LMBR1: variants seen among roughly 807,000 people sequenced by gnomAD.
LMBR1 encodes the protein limb development membrane protein 1.
LMBR1 carries 52 observed loss-of-function variants against 73.9 expected under a neutral mutation model. That is an observed-to-expected ratio of 0.70 (90% CI 0.56 to 0.89). The LOEUF (loss-of-function observed/expected upper bound fraction) is 0.89, where lower values mean the gene tolerates loss of function less well. LMBR1 is among the 40% of genes least tolerant of loss of function. The pLI is 0.00. For synonymous variants in LMBR1, 215 were observed against 209.4 expected (o/e 1.03, Z -0.23); for missense variants, 539 against 579.8 (o/e 0.93, Z 0.72).
intron 1 of LMBR1, among the ~76,000 whole-genome samples, chr7:156,845,830 C>A (rs1292880247): frequency 6.6e-6 from 1 of 152,004 alleles, no homozygotes; most frequent in Admixed American, 6.6e-5. Flanking sequence ...ATTCTTCTCT[C>A]AGACAAGGCT....
intron 1 of LMBR1, among the ~76,000 whole-genome samples, chr7:156,885,606 T>C (rs1357509476): frequency 5.3e-5 from 8 of 150,792 alleles, no homozygotes; most frequent in Admixed American, 2.6e-4. Flanking sequence ...GCCAGACGCA[T>C]TGACTCACAC....
intron 15 of LMBR1, among the ~76,000 whole-genome samples, chr7:156,711,121 T>C (rs1811995398): frequency 6.6e-6 from 1 of 152,122 alleles, no homozygotes; most frequent in African/African-American, 2.4e-5. Flanking sequence ...CCATCCTAGC[T>C]AACATGGTGA....
At chr7:156,833,584 ATT>A in intron 3 of LMBR1, 167 bp downstream of exon 3, 2 of 328,726 alleles carry the variant, frequency 6.1e-6, no homozygotes, top group Non-Finnish European at 1.0e-5. Context: ...AGGAGATTGG[ATT>A]ATCCACACAT....
At chr7:156,875,950 T>C (rs181214716) in intron 1 of LMBR1, among the ~76,000 whole-genome samples, 1 of 148,512 alleles carries the variant, frequency 6.7e-6, no homozygotes, top group Non-Finnish European at 1.5e-5. Flanking sequence ...AATAGCACGA[T>C]GAATGGAATA....
rs904892603 is a variant in LMBR1, at chr7:156,893,047, T to C, written c.-54A>G. The C allele has an allele frequency of 1.5e-5, 21 of 1,404,224 alleles. No homozygotes were observed. Among genetic ancestry groups the C allele is most frequent in the Non-Finnish European group, 1.8e-5 (19 of 1,081,048 alleles). The allele number at this position is 1,404,224 out of a possible 1,614,324, so 87.0% of individuals were successfully genotyped here. ...CGCGTCCGCGTGCTCCGCCACACCA[T>C]CGTCCGCCCGCCGCAGGGGCTCGGA... On this transcript the variant is annotated 5_prime_UTR_variant, in exon 1 of 17. It removes an upstream start codon present in the reference 5' UTR. Coordinates refer to ENST00000353442, the MANE Select transcript of LMBR1 (RefSeq NM_022458.4).
In LMBR1 at chr7:156,882,034, T is replaced by C. The variant is rs182408100; in HGVS notation, c.66+10894A>G. 3.3e-5 allele frequency among the ~76,000 whole-genome samples: 5 copies of C among 152,330 alleles called. No individual in the cohort carries two copies. In the East Asian group the frequency reaches 7.7e-4, roughly 23 times the overall value. ...GAGATATTAGCACTTCTATATCCAC[T>C]GAGGCAATATTCACAATAGCAAAGA... On this transcript the variant is annotated intron_variant, in intron 1 of 16. Coordinates refer to ENST00000353442, the MANE Select transcript of LMBR1 (RefSeq NM_022458.4).
chr7:156,878,271 T>C (rs919272328), intron 1 of LMBR1, among the ~76,000 whole-genome samples: 1 of 152,168 alleles, frequency 6.6e-6, no homozygotes, highest in South Asian at 2.1e-4. Flanking sequence ...CTGTTGCTGT[T>C]TGCTGATGAT....
At chr7:156,823,979 A>C (rs1835212898) in intron 4 of LMBR1, 1 of 152,162 alleles carries the variant, frequency 6.6e-6, no homozygotes, top group South Asian at 2.1e-4. Flanking sequence ...AGCCCCAGCT[A>C]CTTAGGAGGC....
At position 156,682,575 on chromosome 7, in the gene LMBR1, T is replaced by G. The variant is rs188028087; in HGVS notation, c.*1503A>C. ...TTTATTTTAAAACCAAGCTGCATTTTAGAAAGATGTGAAGCTCGGAAGGAA... is the reference window on the plus strand; with the variant it reads ...TTTATTTTAAAACCAAGCTGCATTTGAGAAAGATGTGAAGCTCGGAAGGAA... On this transcript the variant is annotated 3_prime_UTR_variant, in exon 17 of 17. Transcript: ENST00000353442. 1.3e-5 allele frequency: 2 copies of G among 152,336 alleles called. No individual in the cohort carries two copies. The highest frequency in any genetic ancestry group is 1.5e-5 in the Non-Finnish European group (1 of 68,026). The allele number at this position is 152,336 out of a possible 1,614,324, so 9.4% of individuals were successfully genotyped here.
chr7:156,877,937 A>T (rs866837814), intron 1 of LMBR1, among the ~76,000 whole-genome samples: 6 of 152,142 alleles, frequency 3.9e-5, no homozygotes, highest in Non-Finnish European at 7.3e-5. Context: ...CACGAACAGA[A>T]TTAAAAACAA....
intron 1 of LMBR1, among the ~76,000 whole-genome samples, chr7:156,890,111 A>C (rs1802630594): frequency 6.6e-6 from 1 of 152,224 alleles, no homozygotes; most frequent in Non-Finnish European, 1.5e-5. Flanking sequence ...CAAAAGTCCT[A>C]AATAGTGCTG....
intron 1 of LMBR1, among the ~76,000 whole-genome samples, chr7:156,861,644 C>T (rs992751826): frequency 2.0e-5 from 3 of 152,182 alleles, no homozygotes; most frequent in East Asian, 3.8e-4. Context: ...TTTCCTTTTA[C>T]AACTGAATGC....
At chr7:156,738,983 A>G (rs1482399844) in intron 9 of LMBR1, among the ~76,000 whole-genome samples, 2 of 152,174 alleles carry the variant, frequency 1.3e-5, no homozygotes, top group Non-Finnish European at 2.9e-5. Flanking sequence ...CAGCTTAGGT[A>G]CTAGCTTGGC....
intron 4 of LMBR1, among the ~76,000 whole-genome samples, chr7:156,672,411 A>C (rs1802750361): frequency 6.6e-6 from 1 of 152,230 alleles, no homozygotes; most frequent in Non-Finnish European, 1.5e-5. Context: ...ACTGAGGCAG[A>C]AGGAGGCAAT....
At chr7:156,795,648 G>T (rs997027555) in intron 5 of LMBR1, among the ~76,000 whole-genome samples, 2 of 152,216 alleles carry the variant, frequency 1.3e-5, no homozygotes, top group Middle Eastern at 3.4e-3. Context: ...CAACCTGCAG[G>T]CTCAAGCAAT....
At chr7:156,800,626 G>C (rs749099565) in intron 4 of LMBR1, among the ~76,000 whole-genome samples, 5 of 152,164 alleles carry the variant, frequency 3.3e-5, no homozygotes, top group Non-Finnish European at 7.3e-5. Context: ...GTAGCCCATG[G>C]ATCAAGGAGT....
intron 9 of LMBR1, chr7:156,748,059 C>G (rs987344644): frequency 1.1e-4 from 17 of 152,136 alleles, no homozygotes; most frequent in African/African-American, 3.9e-4. Flanking sequence ...AGAGAGTCAG[C>G]CCATATACTC....
At chr7:156,698,676 T>C (rs1314801861) in intron 15 of LMBR1, among the ~76,000 whole-genome samples, 2 of 152,258 alleles carry the variant, frequency 1.3e-5, no homozygotes, top group South Asian at 2.1e-4. Flanking sequence ...ACCAAGTCCC[T>C]AGACTGCATA....
At position 156,831,954 on chromosome 7, in the gene LMBR1, T is replaced by C. The variant is rs561629614; in HGVS notation, c.179+1799A>G. On this transcript the variant is annotated intron_variant, in intron 3 of 16. Coordinates refer to ENST00000353442, the MANE Select transcript of LMBR1 (RefSeq NM_022458.4). ...GAGAATATCTACCTTTTATTCAGTC[T>C]CTTATTCGTTGTAGCTTTTGTGAGG... is the stretch of plus-strand genomic sequence containing the variant. Among the ~76,000 whole-genome samples, 6 of 152,338 alleles carry C rather than the reference T, an allele frequency of 3.9e-5. No homozygotes were observed. In the South Asian group the frequency reaches 1.2e-3, roughly 32 times the overall value.
Sources: gnomAD v4.1 joint callset for allele counts (sites outside exome capture counted in the v4.1 genomes callset) on GRCh38, gnomAD v4.1.1 for gene constraint, MANE v1.5 for transcripts, NCBI Gene and HGNC (gene_info 2026-07-23, HGNC 2026-07-21) for gene names.